PTN: variants seen among roughly 807,000 people sequenced by gnomAD.
PTN encodes pleiotrophin.
PTN carries 18 observed loss-of-function variants against 24.1 expected under a neutral mutation model. The observed-to-expected ratio is 0.75, with a 90% CI of 0.52 to 1.11. The LOEUF (loss-of-function observed/expected upper bound fraction) is 1.11. Ranked by LOEUF, PTN falls within the 50% of genes least tolerant of loss-of-function variation. The probability of loss-of-function intolerance (pLI) is 0.00; values close to 1 mark genes in which losing one functional copy is unlikely to be tolerated. For missense variants in PTN, 163 were observed against 198.8 expected, an observed-to-expected ratio of 0.82 and a Z score of 1.08; for synonymous variants, 78 against 68.6, an observed-to-expected ratio of 1.14 and a Z score of -0.67.
intron 1 of PTN, among the ~76,000 whole-genome samples, chr7:137,330,026 C>T (rs1215803403): frequency 6.6e-6 from 1 of 152,184 alleles, no homozygotes; most frequent in Admixed American, 6.5e-5. Flanking sequence ...GTGGCTCACA[C>T]CTGTAATCCC....
chr7:137,269,847 G>A (rs1347636847), intron 1 of PTN, among the ~76,000 whole-genome samples: 1 of 151,790 alleles, frequency 6.6e-6, no homozygotes, highest in Admixed American at 6.6e-5. Flanking sequence ...TGGCCAGGGT[G>A]GTCTCAATCT....
At chr7:137,243,100 C>G (rs1341339554) in intron 4 of PTN, among the ~76,000 whole-genome samples, 1 of 152,166 alleles carries the variant, frequency 6.6e-6, no homozygotes, top group Non-Finnish European at 1.5e-5. Context: ...CCACGCCCAT[C>G]TAATTTTTGT....
intron 3 of PTN, among the ~76,000 whole-genome samples, chr7:137,251,651 C>G (rs1808829718): frequency 6.7e-6 from 1 of 149,014 alleles, no homozygotes; most frequent in Admixed American, 6.6e-5. Context: ...CCCAATACAA[C>G]AGTGGGTCAT....
At chr7:137,308,743 C>T (rs972198420) in intron 1 of PTN, among the ~76,000 whole-genome samples, 1 of 152,114 alleles carries the variant, frequency 6.6e-6, no homozygotes, top group African/African-American at 2.4e-5. Flanking sequence ...CACACTGGCT[C>T]TCAGTAAGTT....
chr7:137,325,968 G>A (rs1056659409), intron 1 of PTN: 2 of 152,000 alleles, frequency 1.3e-5, no homozygotes, highest in African/African-American at 4.8e-5. Flanking sequence ...AACATTTAAA[G>A]TAAGAAGCAA....
chr7:137,228,295 C>G (rs1306538611), intron 4 of PTN, among the ~76,000 whole-genome samples: 2 of 151,570 alleles, frequency 1.3e-5, no homozygotes, highest in Non-Finnish European at 1.5e-5. Flanking sequence ...CAAAAGAGTG[C>G]CTGTGAGAGT....
rs753922830 is a variant in PTN at position 137,343,697 on chromosome 7, G to T, written c.-260C>A. The T allele has an allele frequency of 8.1e-6, 4 of 492,500 alleles. No individual in the cohort carries two copies. Among genetic ancestry groups the T allele is most frequent in the South Asian group, 2.9e-5 (2 of 68,280 alleles). The allele number at this position is 492,500 out of a possible 1,614,324, so 30.5% of individuals were successfully genotyped here. A position where few individuals can be genotyped will look rare whatever the true frequency, so the allele number is the denominator to read the frequency against. ...CTGATCCTGCCTTTGACTCAATTAC[G>T]CCCTGACAGGGAGGGAACGGAAGGG... On this transcript the variant is annotated 5_prime_UTR_variant, in exon 1 of 5. Coordinates refer to ENST00000348225, the MANE Select transcript of PTN (RefSeq NM_002825.7).
Position 137,233,399 on chromosome 7 carries a change from G to A in PTN, c.452-5324C>T, listed in dbSNP as rs1644321752. On this transcript the variant is annotated intron_variant, in intron 4 of 4. Coordinates refer to ENST00000348225, the MANE Select transcript of PTN (RefSeq NM_002825.7). ...CAGTGTTAGTATCATGTGAGATTAT[G>A]TCCTCTGCAATCTCATCTTACCACT... Among the ~76,000 whole-genome samples, 4 of 151,936 alleles carry A rather than the reference G, an allele frequency of 2.6e-5. No individual in the cohort carries two copies. The South Asian group carries it at 8.3e-4, about 32-fold the overall frequency.
At chr7:137,281,111 G>A (rs1266142949) in intron 1 of PTN, among the ~76,000 whole-genome samples, 1 of 152,088 alleles carries the variant, frequency 6.6e-6, no homozygotes, top group Non-Finnish European at 1.5e-5. Flanking sequence ...TAGCCTGTGT[G>A]ATTCAGCCAA....
intron 4 of PTN, among the ~76,000 whole-genome samples, chr7:137,243,770 C>T (rs934814665): frequency 7.9e-5 from 12 of 152,088 alleles, no homozygotes; most frequent in South Asian, 2.1e-4. Context: ...TGACTGGTTT[C>T]GGAGGGTCAC....
At chr7:137,236,077 C>T in intron 4 of PTN, 1 of 664,920 alleles carries the variant, frequency 1.5e-6, no homozygotes, top group Admixed American at 2.2e-5. Context: ...GAAATTACTT[C>T]ATCAACCATG....
chr7:137,268,518 C>T (rs548162321), intron 1 of PTN, among the ~76,000 whole-genome samples: 3 of 152,260 alleles, frequency 2.0e-5, no homozygotes, highest in South Asian at 2.1e-4. Flanking sequence ...GTGAGAGGGT[C>T]GTGATCGACT....
chr7:137,280,843 G>T (rs1265871179), intron 1 of PTN, among the ~76,000 whole-genome samples: 1 of 145,572 alleles, frequency 6.9e-6, no homozygotes, highest in Non-Finnish European at 1.5e-5. Context: ...CTGCACTCCA[G>T]CCTGGGCAAC....
intron 4 of PTN, among the ~76,000 whole-genome samples, chr7:137,248,229 A>C (rs191903271): frequency 2.6e-5 from 4 of 152,330 alleles, no homozygotes; most frequent in African/African-American, 9.6e-5. Context: ...TTATTTGAGA[A>C]AAATAGTACA....
intron 1 of PTN, among the ~76,000 whole-genome samples, chr7:137,290,211 C>T (rs1014218199): frequency 5.9e-5 from 9 of 152,056 alleles, no homozygotes; most frequent in Non-Finnish European, 2.9e-5. Context: ...AAAGACCTGC[C>T]CCCATGATTG....
chr7:137,266,547 T>A (rs986837469), intron 1 of PTN, among the ~76,000 whole-genome samples: 7 of 151,954 alleles, frequency 4.6e-5, no homozygotes, highest in South Asian at 2.1e-4. Context: ...ACATTTTTTT[T>A]TAAAAAAACA....
At chr7:137,246,645 T>A (rs1170111109) in intron 4 of PTN, among the ~76,000 whole-genome samples, 4 of 152,168 alleles carry the variant, frequency 2.6e-5, no homozygotes, top group African/African-American at 9.7e-5. Flanking sequence ...TGGACATGCA[T>A]AAGTCATTGA....
chr7:137,339,982 G>T (rs140888890), intron 1 of PTN, among the ~76,000 whole-genome samples: 1 of 151,908 alleles, frequency 6.6e-6, no homozygotes, highest in African/African-American at 2.4e-5. Flanking sequence ...AATATACAGC[G>T]CTTGATTTTT....
At chr7:137,236,272 T>G (rs1041389025) in intron 4 of PTN, 1 of 702,158 alleles carries the variant, frequency 1.4e-6, no homozygotes, top group African/African-American at 1.7e-5. Flanking sequence ...TATCTATAGC[T>G]TCTCCAAATC....
Sources: gnomAD v4.1 joint callset for allele counts (sites outside exome capture counted in the v4.1 genomes callset) on GRCh38, gnomAD v4.1.1 for gene constraint, MANE v1.5 for transcripts, NCBI Gene and HGNC (gene_info 2026-07-23, HGNC 2026-07-21) for gene names.